ADAMTS6: variants seen among roughly 807,000 people sequenced by gnomAD.
ADAMTS6 encodes the protein ADAM metallopeptidase with thrombospondin type 1 motif 6.
In ADAMTS6, 23 loss-of-function variants were observed where a neutral mutation model predicts 144.3. The observed-to-expected ratio is 0.16, with a 90% CI of 0.11 to 0.23. The LOEUF (loss-of-function observed/expected upper bound fraction) is 0.23, where lower values mean the gene tolerates loss of function less well. Among genes scored for constraint, ADAMTS6 ranks in the 10% least tolerant of loss-of-function variants. The pLI is 1.00. For missense variants in ADAMTS6, 999 were observed against 1,379.6 expected (o/e 0.72, Z 4.37); for synonymous variants, 444 against 457.5 (o/e 0.97, Z 0.38).
intron 22 of ADAMTS6, among the ~76,000 whole-genome samples, chr5:65,175,739 T>C (rs1753936930): frequency 6.6e-6 from 1 of 152,020 alleles, no homozygotes; most frequent in South Asian, 2.1e-4. Flanking sequence ...CATTAACCAC[T>C]GAAAATTCCC....
intron 22 of ADAMTS6, among the ~76,000 whole-genome samples, chr5:65,178,334 A>G (rs1754111965): frequency 6.6e-6 from 1 of 152,222 alleles, no homozygotes; most frequent in South Asian, 2.1e-4. Context: ...CACGGGGAAT[A>G]CCACATCAAT....
At chr5:65,332,958 A>C (rs185240317) in intron 8 of ADAMTS6, among the ~76,000 whole-genome samples, 2 of 152,274 alleles carry the variant, frequency 1.3e-5, no homozygotes, top group East Asian at 3.9e-4. Context: ...TGGGTAGGAG[A>C]AGCCTGGGAA....
chr5:65,297,084 G>A (rs769798884), intron 10 of ADAMTS6: 9 of 399,524 alleles, frequency 2.3e-5, no homozygotes, highest in African/African-American at 6.4e-5. Flanking sequence ...AATCAGTCCC[G>A]CAGGCAGATA....
At chr5:65,328,026 T>G (rs781296305) in intron 9 of ADAMTS6, among the ~76,000 whole-genome samples, 3 of 152,170 alleles carry the variant, frequency 2.0e-5, no homozygotes, top group Non-Finnish European at 4.4e-5. Context: ...GGGCTTTTCC[T>G]TTTATTCACC....
In ADAMTS6 at chr5:65,451,469, C is replaced by T. The variant is rs1473566662; in HGVS notation, c.1073+6G>A. 3 of 1,612,200 alleles carry T rather than the reference C, an allele frequency of 1.9e-6. No individual in the cohort carries two copies. Among genetic ancestry groups the T allele is most frequent in the African/African-American group, 2.7e-5 (2 of 74,778 alleles). On this transcript the variant is annotated splice_donor_region_variant and intron_variant, in intron 7 of 24. Transcript: ENST00000381055. ...TCAATGGAAAAATACTTGCAACAAA[C>T]CATACCTAGTAATAAGAACTGCATT...
intron 22 of ADAMTS6, among the ~76,000 whole-genome samples, chr5:65,175,732 T>G (rs1753936379): frequency 6.6e-6 from 1 of 152,160 alleles, no homozygotes; most frequent in African/African-American, 2.4e-5. Context: ...GATTTAACAT[T>G]AACCACTGAA....
At chr5:65,273,488 C>T (rs759837028) in intron 11 of ADAMTS6, 41 bp from the exon 12 acceptor site, 9 of 1,489,684 alleles carry the variant, frequency 6.0e-6, no homozygotes, top group Non-Finnish European at 6.5e-6. Context: ...GAAATAGAGT[C>T]ATGTCCAATT....
At chr5:65,172,704 C>G (rs1326834644) in intron 23 of ADAMTS6, 128 bp downstream of exon 23, 1 of 1,118,548 alleles carries the variant, frequency 8.9e-7, no homozygotes, top group Non-Finnish European at 1.2e-6. Context: ...ACACTCATGC[C>G]TCATACTTAG....
intron 7 of ADAMTS6, among the ~76,000 whole-genome samples, chr5:65,444,275 C>T (rs536062551): frequency 1.3e-5 from 2 of 152,146 alleles, no homozygotes; most frequent in African/African-American, 4.8e-5. Context: ...ACCTGTAATC[C>T]CAGCTATTTG....
At chr5:65,458,933 T>C (rs1480037291) in intron 4 of ADAMTS6, among the ~76,000 whole-genome samples, 1 of 152,194 alleles carries the variant, frequency 6.6e-6, no homozygotes. Flanking sequence ...AGATGAGCAC[T>C]CAGAGAGGTT....
At chr5:65,152,424 G>A (rs1287061853) in intron 24 of ADAMTS6, among the ~76,000 whole-genome samples, 1 of 106,360 alleles carries the variant, frequency 9.4e-6, no homozygotes, top group Admixed American at 1.0e-4. Flanking sequence ...GAGGCGTGGG[G>A]ATGGGCCTGG....
At chr5:65,222,582 A>C (rs1353047777) in intron 18 of ADAMTS6, among the ~76,000 whole-genome samples, 1 of 151,996 alleles carries the variant, frequency 6.6e-6, no homozygotes, top group East Asian at 1.9e-4. Context: ...GGTGTTATTC[A>C]AGTAAATAAA....
intron 7 of ADAMTS6, among the ~76,000 whole-genome samples, chr5:65,373,842 T>G (rs1477546497): frequency 6.6e-6 from 1 of 152,000 alleles, no homozygotes; most frequent in Non-Finnish European, 1.5e-5. Flanking sequence ...TGATGAACAT[T>G]GATGCAAAAA....
At chr5:65,364,089 A>T (rs1392314941) in intron 7 of ADAMTS6, among the ~76,000 whole-genome samples, 3 of 152,162 alleles carry the variant, frequency 2.0e-5, no homozygotes, top group African/African-American at 7.2e-5. Flanking sequence ...AACTCCTGTC[A>T]CCTGGCCAAA....
intron 7 of ADAMTS6, among the ~76,000 whole-genome samples, chr5:65,409,544 T>C (rs2150180146): frequency 6.6e-6 from 1 of 152,178 alleles, no homozygotes; most frequent in South Asian, 2.1e-4. Context: ...ACCAGACAGA[T>C]TCACAGCCGA....
At chr5:65,212,092 G>A (rs552099535) in intron 20 of ADAMTS6, among the ~76,000 whole-genome samples, 126 of 152,204 alleles carry the variant, frequency 8.3e-4, no homozygotes, top group African/African-American at 2.8e-3. Context: ...AGATTAATGC[G>A]CCCCACTCGA....
intron 22 of ADAMTS6, 110 bp downstream of exon 22, chr5:65,187,906 G>A (rs1206710630): frequency 1.8e-6 from 2 of 1,090,334 alleles, no homozygotes; most frequent in East Asian, 2.4e-5. Flanking sequence ...CTGTTACACA[G>A]CCCTTACTTG....
At chr5:65,232,133 A>G (rs1758297619) in intron 15 of ADAMTS6, among the ~76,000 whole-genome samples, 1 of 152,110 alleles carries the variant, frequency 6.6e-6, no homozygotes, top group African/African-American at 2.4e-5. Context: ...ACAAACAACA[A>G]CAACAAAACA....
chr5:65,455,762 C>T (rs2150255730), intron 4 of ADAMTS6, among the ~76,000 whole-genome samples: 1 of 151,994 alleles, frequency 6.6e-6, no homozygotes, highest in South Asian at 2.1e-4. Context: ...GAGATGGCAC[C>T]ACTGCACTCC....
Sources: gnomAD v4.1 joint callset for allele counts (sites outside exome capture counted in the v4.1 genomes callset) on GRCh38, gnomAD v4.1.1 for gene constraint, MANE v1.5 for transcripts, NCBI Gene and HGNC (gene_info 2026-07-23, HGNC 2026-07-21) for gene names.